The following WWOX variants were observed in gnomAD, a reference collection of about 807,000 sequenced individuals.
WWOX encodes the protein WW domain-containing oxidoreductase.
In WWOX, 69 loss-of-function variants were observed where a neutral mutation model predicts 46.2. The observed-to-expected ratio is 1.49, with a 90% confidence interval of 1.23 to 1.82. The LOEUF is 1.82. Ranked by LOEUF, WWOX falls within the 40% of genes most tolerant of loss-of-function variation. The probability of loss-of-function intolerance (pLI) is 0.00; values close to 1 mark genes in which losing one functional copy is unlikely to be tolerated. For missense variants in WWOX, 919 were observed against 542.6 expected (o/e 1.69, Z -6.89); for synonymous variants, 359 against 202.6 (o/e 1.77, Z -6.56).
chr16:78,718,954 A>G (rs965065618), intron 8 of WWOX, among the ~76,000 whole-genome samples: 14 of 151,488 alleles, frequency 9.2e-5, no homozygotes, highest in Admixed American at 6.6e-5. Context: ...AATAATCTGC[A>G]CTAACCACTC....
intron 8 of WWOX, among the ~76,000 whole-genome samples, chr16:78,893,494 T>C (rs1329312707): frequency 6.6e-6 from 1 of 152,198 alleles, no homozygotes; most frequent in Admixed American, 6.5e-5. Context: ...GTGCCTGAAA[T>C]AGAGAAGGGT....
intron 8 of WWOX, among the ~76,000 whole-genome samples, chr16:78,542,964 G>GAATAGCAAACAATT (rs2043934143): frequency 6.6e-6 from 1 of 152,208 alleles, no homozygotes; most frequent in South Asian, 2.1e-4. Context: ...AGTAGAAGCA[G>GAATAGCAAACAATT]AATAGCAAAC....
chr16:78,776,250 A>G (rs2050186635), intron 8 of WWOX, among the ~76,000 whole-genome samples: 1 of 151,866 alleles, frequency 6.6e-6, no homozygotes, highest in South Asian at 2.1e-4. Flanking sequence ...ACAGCAGCAC[A>G]GGCTACATTG....
intron 4 of WWOX, among the ~76,000 whole-genome samples, chr16:78,119,660 C>G (rs1274835842): frequency 1.3e-5 from 2 of 150,958 alleles, no homozygotes; most frequent in Non-Finnish European, 2.9e-5. Context: ...GATGGGGTCT[C>G]ACTGTGTTGC....
chr16:78,823,094 C>T (rs537934006), intron 8 of WWOX, among the ~76,000 whole-genome samples: 22 of 152,308 alleles, frequency 1.4e-4, no homozygotes, highest in Middle Eastern at 3.4e-3. Context: ...AGTAGCTCTT[C>T]GTTATCTCAA....
intron 8 of WWOX, among the ~76,000 whole-genome samples, chr16:78,575,688 C>G (rs1597292265): frequency 6.6e-6 from 1 of 152,158 alleles, no homozygotes; most frequent in Non-Finnish European, 1.5e-5. Context: ...GGATGACACC[C>G]TCCTAAAGCC....
At chr16:78,383,239 T>C (rs2081992909) in intron 5 of WWOX, among the ~76,000 whole-genome samples, 1 of 151,928 alleles carries the variant, frequency 6.6e-6, no homozygotes, top group Non-Finnish European at 1.5e-5. Context: ...ATGACTGTGG[T>C]CTAGTAAATT....
chr16:79,065,579 T>C (rs926591287), intron 8 of WWOX, among the ~76,000 whole-genome samples: 2 of 152,180 alleles, frequency 1.3e-5, no homozygotes, highest in African/African-American at 4.8e-5. Context: ...GGTTCTACAA[T>C]AGTGATGTTA....
chr16:78,666,336 A>C (rs995583710), intron 8 of WWOX, among the ~76,000 whole-genome samples: 2 of 152,156 alleles, frequency 1.3e-5, no homozygotes, highest in African/African-American at 4.8e-5. Context: ...TTTGGGGGTT[A>C]CTTGTAACTG....
intron 8 of WWOX, among the ~76,000 whole-genome samples, chr16:78,641,387 G>C (rs1209983051): frequency 6.6e-6 from 1 of 152,080 alleles, no homozygotes; most frequent in African/African-American, 2.4e-5. Context: ...TGCACTTGTA[G>C]TGTCAGGGTT....
chr16:78,879,981 G>C (rs1567622290), intron 8 of WWOX, among the ~76,000 whole-genome samples: 2 of 152,060 alleles, frequency 1.3e-5, no homozygotes, highest in African/African-American at 4.8e-5. Flanking sequence ...TAAACATTTT[G>C]AAATCTGGTG....
intron 8 of WWOX, among the ~76,000 whole-genome samples, chr16:78,849,952 A>C (rs61055665): frequency 0.012 from 1,872 of 151,514 alleles, 42 homozygotes; most frequent in African/African-American, 0.043. Context: ...CAGGCCTGTA[A>C]TCCCAGCTAC....
chr16:78,114,938 T>A (rs1015103763), intron 3 of WWOX, 38 bp from the exon 4 acceptor site: 2 of 1,613,652 alleles, frequency 1.2e-6, no homozygotes. Context: ...AATGCCTGTG[T>A]TCATTGCTGT....
At chr16:78,484,393 A>G (rs1165451066) in intron 8 of WWOX, among the ~76,000 whole-genome samples, 2 of 152,166 alleles carry the variant, frequency 1.3e-5, no homozygotes, top group African/African-American at 2.4e-5. Flanking sequence ...TTGATCCAGC[A>G]GCTGGTATTT....
chr16:78,370,587 T>G (rs12932437), intron 5 of WWOX, among the ~76,000 whole-genome samples: 1 of 152,094 alleles, frequency 6.6e-6, no homozygotes, highest in African/African-American at 2.4e-5. Flanking sequence ...GATATAATTA[T>G]GGATTCTGTC....
At chr16:78,119,528 ATGTT>A (rs1329987988) in intron 4 of WWOX, among the ~76,000 whole-genome samples, 3 of 152,122 alleles carry the variant, frequency 2.0e-5, no homozygotes, top group Admixed American at 1.3e-4. Flanking sequence ...AATTAGCTAG[ATGTT>A]TGTTGGAGCG....
rs11289222 is a variant in WWOX at position 78,333,043 on chromosome 16, C to CTTTT, written c.517-53796_517-53793dup. ...CTGAGTAGCATGGAAGAGCATTATACTTTTTTTTTTTTTTTTTTTTTTTTG... is the reference window on the plus strand; with the variant it reads ...CTGAGTAGCATGGAAGAGCATTATACTTTTTTTTTTTTTTTTTTTTTTTTTTTTG... On this transcript the variant is annotated intron_variant, in intron 5 of 8. Coordinates refer to ENST00000566780, the MANE Select transcript of WWOX (RefSeq NM_016373.4). 4.6e-4 allele frequency among the ~76,000 whole-genome samples: 26 copies of CTTTT among 57,120 alleles called. 4 individuals carry two copies. Among genetic ancestry groups the CTTTT allele is most frequent in the Non-Finnish European group, 5.7e-4 (15 of 26,260 alleles). The allele number at this position is 57,120 out of a possible 152,430, so 37.5% of individuals were successfully genotyped here. A position where few individuals can be genotyped will look rare whatever the true frequency, so the allele number is the denominator to read the frequency against.
At chr16:79,190,632 G>A (rs2051116791) in intron 8 of WWOX, among the ~76,000 whole-genome samples, 1 of 152,214 alleles carries the variant, frequency 6.6e-6, no homozygotes, top group East Asian at 1.9e-4. Context: ...AGATGAACTA[G>A]TTGGTGTTAC....
Position 79,057,042 on chromosome 16 carries a change from A to G in WWOX, c.1057-154566A>G, listed in dbSNP as rs187652131. Among the ~76,000 whole-genome samples the G allele has an allele frequency of 4.4e-3, 677 of 152,356 alleles. 4 individuals carry two copies. Among genetic ancestry groups the G allele is most frequent in the Middle Eastern group, 0.01 (3 of 294 alleles). On this transcript the variant is annotated intron_variant, in intron 8 of 8. Transcript: ENST00000566780. ...AAGGAAAAATATGAAGGAGTTCTAGAAAACACCAGAAGTGATTTTGCCGCC... is the reference window on the plus strand; with the variant it reads ...AAGGAAAAATATGAAGGAGTTCTAGGAAACACCAGAAGTGATTTTGCCGCC...
Sources: gnomAD v4.1 joint callset for allele counts (sites outside exome capture counted in the v4.1 genomes callset) on GRCh38, gnomAD v4.1.1 for gene constraint, MANE v1.5 for transcripts, NCBI Gene and HGNC (gene_info 2026-07-23, HGNC 2026-07-21) for gene names.